The following TCF12 variants were observed in gnomAD, a reference collection of about 807,000 sequenced individuals.
TCF12 encodes the protein DNA-binding protein HTF4.
Under a neutral mutation model 86.0 loss-of-function variants are expected in TCF12, and 45 were observed. The observed-to-expected ratio is 0.52, with a 90% CI of 0.41 to 0.67. The LOEUF (loss-of-function observed/expected upper bound fraction) is 0.67. Among genes scored for constraint, TCF12 ranks in the 30% least tolerant of loss-of-function variants. The pLI is 0.00. For synonymous variants in TCF12, 330 were observed against 299.6 expected (o/e 1.10, Z -1.05); for missense variants, 881 against 859.9 (o/e 1.02, Z -0.31).
At chr15:57,089,192 C>T (rs554858348) in intron 4 of TCF12, among the ~76,000 whole-genome samples, 2 of 152,280 alleles carry the variant, frequency 1.3e-5, no homozygotes, top group East Asian at 3.9e-4. Flanking sequence ...TGGACAGTGG[C>T]TTTTAAACAA....
At chr15:57,195,342 G>A (rs2057203900) in intron 7 of TCF12, among the ~76,000 whole-genome samples, 1 of 152,178 alleles carries the variant, frequency 6.6e-6, no homozygotes, top group African/African-American at 2.4e-5. Flanking sequence ...TTTTCACATG[G>A]CAGTGGAAAA....
intron 3 of TCF12, among the ~76,000 whole-genome samples, chr15:57,020,627 T>G (rs1483302707): frequency 6.6e-6 from 1 of 152,214 alleles, no homozygotes; most frequent in Non-Finnish European, 1.5e-5. Flanking sequence ...TATAACCATC[T>G]ACTAAATAGA....
At chr15:57,106,440 C>T (rs1393657845) in intron 5 of TCF12, among the ~76,000 whole-genome samples, 1 of 152,162 alleles carries the variant, frequency 6.6e-6, no homozygotes, top group Non-Finnish European at 1.5e-5. Context: ...AAATAGTAGG[C>T]ACTTTTGCGT....
intron 5 of TCF12, among the ~76,000 whole-genome samples, chr15:57,158,370 G>A (rs2054271076): frequency 6.6e-6 from 1 of 151,730 alleles, no homozygotes; most frequent in Admixed American, 6.6e-5. Context: ...TGTAGAGTTG[G>A]GTTTTTGCCA....
chr15:57,139,217 G>C (rs748408077), intron 5 of TCF12, among the ~76,000 whole-genome samples: 1 of 151,720 alleles, frequency 6.6e-6, no homozygotes, highest in South Asian at 2.1e-4. Flanking sequence ...TCTTGCTCTC[G>C]TAATCTCTGT....
At chr15:57,152,074 C>G (rs967284544) in intron 5 of TCF12, among the ~76,000 whole-genome samples, 4 of 152,212 alleles carry the variant, frequency 2.6e-5, no homozygotes, top group African/African-American at 9.7e-5. Context: ...CAGGTGATCA[C>G]TAGAGGGAGT....
At chr15:57,231,353 C>T in intron 9 of TCF12, 96 bp downstream of exon 9, 3 of 921,960 alleles carry the variant, frequency 3.3e-6, no homozygotes, top group Non-Finnish European at 3.3e-6. Flanking sequence ...TATATTCAGG[C>T]CTTATTTAGG....
chr15:57,036,976 A>T (rs1254300832), intron 3 of TCF12, among the ~76,000 whole-genome samples: 3 of 152,198 alleles, frequency 2.0e-5, no homozygotes, highest in Non-Finnish European at 4.4e-5. Flanking sequence ...GCACATAACT[A>T]GCATGTTGGG....
At chr15:57,022,213 C>A (rs371137843) in intron 3 of TCF12, among the ~76,000 whole-genome samples, 3 of 152,172 alleles carry the variant, frequency 2.0e-5, no homozygotes. Flanking sequence ...GCTGTCCCTC[C>A]CCCAGCTCCC....
chr15:57,035,218 A>G (rs1233428504), intron 3 of TCF12, among the ~76,000 whole-genome samples: 1 of 152,206 alleles, frequency 6.6e-6, no homozygotes, highest in African/African-American at 2.4e-5. Context: ...TTCGGGGTTT[A>G]AACTTCCAAA....
At chr15:57,216,531 G>A (rs79281716) in intron 8 of TCF12, among the ~76,000 whole-genome samples, 120 of 144,878 alleles carry the variant, frequency 8.3e-4, no homozygotes, top group African/African-American at 3.0e-3. Flanking sequence ...TTGTCAGACT[G>A]AGTCATAGGA....
intron 13 of TCF12, among the ~76,000 whole-genome samples, chr15:57,250,232 C>G (rs1566984854): frequency 6.6e-6 from 1 of 152,168 alleles, no homozygotes; most frequent in Non-Finnish European, 1.5e-5. Flanking sequence ...AAGGCACTGT[C>G]AGTTACTATT....
At chr15:57,021,197 A>G (rs918328753) in intron 3 of TCF12, among the ~76,000 whole-genome samples, 1 of 152,152 alleles carries the variant, frequency 6.6e-6, no homozygotes, top group African/African-American at 2.4e-5. Context: ...CTTGTTAGTC[A>G]TTGGGCAGAG....
chr15:57,201,710 G>T (rs1201316293), intron 8 of TCF12, among the ~76,000 whole-genome samples: 1 of 152,152 alleles, frequency 6.6e-6, no homozygotes, highest in Non-Finnish European at 1.5e-5. Flanking sequence ...AGTTGTTAAA[G>T]TTTTATCTGG....
At chr15:56,951,105 A>C (rs2061254382) in intron 3 of TCF12, among the ~76,000 whole-genome samples, 1 of 152,112 alleles carries the variant, frequency 6.6e-6, no homozygotes, top group Non-Finnish European at 1.5e-5. Context: ...CATATGGTAG[A>C]TATATCTTCA....
At chr15:56,947,768 G>A (rs1237871610) in intron 3 of TCF12, among the ~76,000 whole-genome samples, 1 of 152,186 alleles carries the variant, frequency 6.6e-6, no homozygotes, top group African/African-American at 2.4e-5. Flanking sequence ...AAGAGTAGAG[G>A]CAGGGTGCTT....
chr15:56,935,169 A>C (rs1262804940), intron 3 of TCF12, among the ~76,000 whole-genome samples: 1 of 152,142 alleles, frequency 6.6e-6, no homozygotes. Context: ...TTGCTTTGCT[A>C]CTGGACATTG....
intron 5 of TCF12, among the ~76,000 whole-genome samples, chr15:57,160,524 A>G (rs1314922397): frequency 2.0e-5 from 3 of 152,102 alleles, no homozygotes; most frequent in Admixed American, 6.5e-5. Flanking sequence ...CCTTTGCGGT[A>G]TTTTTAGTAA....
At chr15:56,947,067 G>A (rs1285208033) in intron 3 of TCF12, among the ~76,000 whole-genome samples, 1 of 152,118 alleles carries the variant, frequency 6.6e-6, no homozygotes, top group Non-Finnish European at 1.5e-5. Context: ...CAAATTGCTA[G>A]GATTACAGGC....
Sources: gnomAD v4.1 joint callset for allele counts (sites outside exome capture counted in the v4.1 genomes callset) on GRCh38, gnomAD v4.1.1 for gene constraint, MANE v1.5 for transcripts, NCBI Gene and HGNC (gene_info 2026-07-23, HGNC 2026-07-21) for gene names.